Variants in CDH2 observed in about 807,000 individuals in gnomAD.
CDH2 encodes cadherin 2.
A neutral mutation model predicts 92.0 loss-of-function variants in CDH2; 17 were observed. The observed-to-expected ratio is 0.18, with a 90% CI of 0.13 to 0.28. The LOEUF is 0.28. CDH2 is among the 10% of genes least tolerant of loss of function. CDH2 has a pLI of 1.00. For synonymous variants in CDH2, 419 were observed against 415.9 expected, an observed-to-expected ratio of 1.01 and a Z score of -0.09; for missense variants, 862 against 1,133.1, an observed-to-expected ratio of 0.76 and a Z score of 3.44.
At chr18:27,990,907 C>A (rs17493458) in intron 9 of CDH2, among the ~76,000 whole-genome samples, 47 of 152,288 alleles carry the variant, frequency 3.1e-4, no homozygotes, top group African/African-American at 1.1e-3. Flanking sequence ...CATAATCGCA[C>A]ACACACCTTT....
intron 2 of CDH2, among the ~76,000 whole-genome samples, chr18:28,077,499 T>A (rs954314422): frequency 6.6e-6 from 1 of 152,124 alleles, no homozygotes; most frequent in African/African-American, 2.4e-5. Flanking sequence ...ATCCCAGAAA[T>A]GTCATCATTT....
chr18:28,115,503 G>T (rs1009233354), intron 2 of CDH2, among the ~76,000 whole-genome samples: 1 of 152,088 alleles, frequency 6.6e-6, no homozygotes, highest in Admixed American at 6.6e-5. Context: ...TCTCCTACTG[G>T]CTGGTGACAA....
At chr18:28,040,494 T>G (rs938266645) in intron 2 of CDH2, among the ~76,000 whole-genome samples, 5 of 152,186 alleles carry the variant, frequency 3.3e-5, no homozygotes, top group Non-Finnish European at 7.3e-5. Context: ...AAAAATTATG[T>G]TCCAACAATC....
At chr18:28,144,542 T>G (rs1258723416) in intron 2 of CDH2, among the ~76,000 whole-genome samples, 1 of 152,012 alleles carries the variant, frequency 6.6e-6, no homozygotes, top group East Asian at 1.9e-4. Context: ...ATTCTATTTT[T>G]GAACACAAAT....
chr18:28,132,723 G>A (rs1598497155), intron 2 of CDH2, among the ~76,000 whole-genome samples: 1 of 152,116 alleles, frequency 6.6e-6, no homozygotes, highest in African/African-American at 2.4e-5. Flanking sequence ...AATCTCAGGG[G>A]AGGCCACCAT....
intron 2 of CDH2, among the ~76,000 whole-genome samples, chr18:28,097,969 CA>C (rs1473187876): frequency 6.6e-6 from 1 of 152,084 alleles, no homozygotes; most frequent in Non-Finnish European, 1.5e-5. Context: ...AGGACTCTTG[CA>C]AATAGCAAAA....
intron 2 of CDH2, among the ~76,000 whole-genome samples, chr18:28,047,562 T>A (rs559912920): frequency 6.6e-6 from 1 of 152,100 alleles, no homozygotes; most frequent in Non-Finnish European, 1.5e-5. Flanking sequence ...CATAAAGAGA[T>A]TGCTTCCATA....
At chr18:28,123,510 A>G (rs2015625770) in intron 2 of CDH2, among the ~76,000 whole-genome samples, 1 of 152,166 alleles carries the variant, frequency 6.6e-6, no homozygotes, top group Non-Finnish European at 1.5e-5. Context: ...ATTCTTCATT[A>G]CTAGAGAGAG....
At chr18:28,154,941 A>C (rs1324309435) in intron 1 of CDH2, among the ~76,000 whole-genome samples, 1 of 152,222 alleles carries the variant, frequency 6.6e-6, no homozygotes, top group Non-Finnish European at 1.5e-5. Flanking sequence ...GTTAGTTATC[A>C]TAAACTCTTA....
intron 15 of CDH2, among the ~76,000 whole-genome samples, chr18:27,959,189 T>C (rs1400614875): frequency 6.6e-6 from 1 of 152,212 alleles, no homozygotes; most frequent in African/African-American, 2.4e-5. Flanking sequence ...CTGAAGGTCA[T>C]GTTTAAAAAT....
At chr18:28,017,237 G>A (rs181464773) in intron 2 of CDH2, among the ~76,000 whole-genome samples, 316 of 151,854 alleles carry the variant, frequency 2.1e-3, no homozygotes, top group Non-Finnish European at 2.8e-3. Context: ...GAATCTGTCT[G>A]GTCCTTGAAT....
At chr18:28,054,093 C>T (rs1402459160) in intron 2 of CDH2, among the ~76,000 whole-genome samples, 1 of 152,098 alleles carries the variant, frequency 6.6e-6, no homozygotes, top group African/African-American at 2.4e-5. Flanking sequence ...GGACTGGATC[C>T]TGTAGGGAGG....
intron 2 of CDH2, among the ~76,000 whole-genome samples, chr18:28,105,711 T>C (rs747791029): frequency 6.6e-6 from 1 of 152,156 alleles, no homozygotes; most frequent in Non-Finnish European, 1.5e-5. Context: ...AAATAAAAAT[T>C]CAAATTCAGA....
Position 28,015,248 on chromosome 18 carries a change from TA to T in CDH2, c.173-1340del, listed in dbSNP as rs1306666331. Reference sequence around the variant, plus strand: ...ACCATAAAATCCTTGATAGAAGTCATAAAATACTTTAACTACTGAATATATT... The same window carrying T: ...ACCATAAAATCCTTGATAGAAGTCATAAATACTTTAACTACTGAATATATT... On this transcript the variant is annotated intron_variant, in intron 2 of 15. Coordinates refer to ENST00000269141, the MANE Select transcript of CDH2 (RefSeq NM_001792.5). 2.6e-5 allele frequency among the ~76,000 whole-genome samples: 4 copies of T among 152,302 alleles called. No homozygotes were observed. The East Asian group carries it at 7.7e-4, about 29-fold the overall frequency.
At chr18:28,110,145 C>A (rs2015387790) in intron 2 of CDH2, among the ~76,000 whole-genome samples, 1 of 152,186 alleles carries the variant, frequency 6.6e-6, no homozygotes, top group African/African-American at 2.4e-5. Context: ...AATGAGAACA[C>A]ACTCATGCTG....
intron 2 of CDH2, among the ~76,000 whole-genome samples, chr18:28,061,801 T>C (rs575367572): frequency 9.9e-5 from 15 of 152,206 alleles, no homozygotes; most frequent in South Asian, 4.1e-4. Context: ...GCAGGCAAGA[T>C]AGCATGTGCA....
At chr18:28,013,615 A>T (rs1340397307) in intron 3 of CDH2, 68 bp downstream of exon 3, 2 of 1,093,676 alleles carry the variant, frequency 1.8e-6, no homozygotes, top group Non-Finnish European at 2.8e-6. Context: ...GAAGCAAAGC[A>T]TATATTTAGT....
intron 2 of CDH2, among the ~76,000 whole-genome samples, chr18:28,136,890 G>A (rs1292436149): frequency 6.6e-6 from 1 of 152,114 alleles, no homozygotes; most frequent in Non-Finnish European, 1.5e-5. Context: ...ACTCTGGATT[G>A]GGGCTCAGGA....
At chr18:28,004,289 T>C (rs1313129292) in intron 6 of CDH2, among the ~76,000 whole-genome samples, 1 of 152,208 alleles carries the variant, frequency 6.6e-6, no homozygotes, top group Non-Finnish European at 1.5e-5. Context: ...ACACAGCATA[T>C]GCTTTATAAA....
Sources: gnomAD v4.1 joint callset for allele counts (sites outside exome capture counted in the v4.1 genomes callset) on GRCh38, gnomAD v4.1.1 for gene constraint, MANE v1.5 for transcripts, NCBI Gene and HGNC (gene_info 2026-07-23, HGNC 2026-07-21) for gene names.